Variants in PPP2R2C observed in about 807,000 individuals in gnomAD.
PPP2R2C encodes protein phosphatase 2, regulatory subunit B, gamma.
Under a neutral mutation model 45.3 loss-of-function variants are expected in PPP2R2C, and 10 were observed. The observed-to-expected ratio is 0.22, with a 90% CI of 0.14 to 0.37. The LOEUF is 0.37. PPP2R2C is among the 10% of genes least tolerant of loss of function. PPP2R2C has a pLI of 1.00. For synonymous variants in PPP2R2C, 257 were observed against 245.4 expected (o/e 1.05, Z -0.44); for missense variants, 308 against 619.7 (o/e 0.50, Z 5.34).
intron 2 of PPP2R2C, among the ~76,000 whole-genome samples, chr4:6,506,109 A>G (rs949956969): frequency 6.6e-6 from 1 of 152,230 alleles, no homozygotes; most frequent in Non-Finnish European, 1.5e-5. Flanking sequence ...TCCTACTCAC[A>G]TGACCTTCTA....
rs1732265384 is a variant in PPP2R2C at position 6,329,820 on chromosome 4, T to C, written c.961-467A>G. Among the ~76,000 whole-genome samples the C allele has an allele frequency of 6.6e-6, 1 of 152,234 alleles. No individual in the cohort carries two copies. The highest frequency in any genetic ancestry group is 2.1e-4 in the South Asian group (1 of 4,834). On this transcript the variant is annotated intron_variant, in intron 7 of 8. Coordinates refer to ENST00000382599, the MANE Select transcript of PPP2R2C (RefSeq NM_020416.4). The surrounding 1 kb of genome is among the most constrained non-coding windows in gnomAD (Gnocchi z 5.8). ...CCACCTGGGGTCCAGATCCTGGCTC[T>C]GCCCTCCCAGCTGTGTGATCTTGGA...
chr4:6,336,373 C>G (rs1732848625), intron 6 of PPP2R2C, among the ~76,000 whole-genome samples: 1 of 152,076 alleles, frequency 6.6e-6, no homozygotes, highest in East Asian at 1.9e-4. Flanking sequence ...AGGCCGCTCG[C>G]AGAGGGAGCT....
At chr4:6,366,867 G>C (rs1714360908) in intron 5 of PPP2R2C, among the ~76,000 whole-genome samples, 2 of 152,172 alleles carry the variant, frequency 1.3e-5, no homozygotes, top group Admixed American at 6.5e-5. Flanking sequence ...AGGGGCTCAG[G>C]CTTCCTCCAG....
At chr4:6,540,580 G>T (rs935532528) in intron 1 of PPP2R2C, among the ~76,000 whole-genome samples, 2 of 152,202 alleles carry the variant, frequency 1.3e-5, no homozygotes, top group Non-Finnish European at 2.9e-5. Flanking sequence ...AATTCTCTTT[G>T]GTAGATGCCT....
intron 2 of PPP2R2C, among the ~76,000 whole-genome samples, chr4:6,481,166 T>C (rs1577214150): frequency 6.6e-6 from 1 of 152,266 alleles, no homozygotes; most frequent in Non-Finnish European, 1.5e-5. Context: ...ACAGAAGTCA[T>C]TCATTTTGAT....
chr4:6,527,005 GACGCCA>G lies in PPP2R2C; in HGVS notation c.49+8260_49+8265del, dbSNP rs550805748. On this transcript the variant is annotated intron_variant, in intron 2 of 9. Coordinates refer to the PPP2R2C transcript ENST00000506140. The stretch of plus-strand genomic sequence containing the variant: ...TACTCCAGGATCCCAAAGAGTGGGA[GACGCCA>G]ACCACGGCTTCAATGCGGAGGAGAA... 5.9e-5 allele frequency among the ~76,000 whole-genome samples: 9 copies of G among 152,310 alleles called. No individual in the cohort carries two copies. The East Asian group carries it at 1.5e-3, about 26-fold the overall frequency.
At chr4:6,402,204 G>A (rs1464379619) in intron 1 of PPP2R2C, among the ~76,000 whole-genome samples, 1 of 152,194 alleles carries the variant, frequency 6.6e-6, no homozygotes, top group East Asian at 1.9e-4. Flanking sequence ...CAGGGTCACA[G>A]AGCAGGTAAG....
intron 1 of PPP2R2C, among the ~76,000 whole-genome samples, chr4:6,390,535 A>G (rs1716541789): frequency 2.0e-5 from 3 of 152,162 alleles, no homozygotes; most frequent in Non-Finnish European, 4.4e-5. Flanking sequence ...TCCAGCAGGG[A>G]GCACGCCGGG....
At chr4:6,494,980 A>G (rs1045800316) in intron 2 of PPP2R2C, among the ~76,000 whole-genome samples, 7 of 152,216 alleles carry the variant, frequency 4.6e-5, no homozygotes, top group Admixed American at 3.3e-4. Flanking sequence ...TCCCTGTGAC[A>G]GGGGAAGCTG....
rs1328820674 is a variant in PPP2R2C at position 6,350,484 on chromosome 4, T to C, written c.626-2474A>G. 3.0e-6 allele frequency: 3 copies of C among 985,326 alleles called. No homozygotes were observed. In the African/African-American group the frequency reaches 5.2e-5, roughly 17 times the overall value. 61.0% of individuals were successfully genotyped at this position (985,326 alleles called of 1,614,324 possible). A position where few individuals can be genotyped will look rare whatever the true frequency, so the allele number is the denominator to read the frequency against. ...AGACACACAAAAGCCACAGGAGGCT[T>C]GGTGGCAACAGAAGCGCCCAGGAAC... On this transcript the variant is annotated intron_variant, in intron 5 of 8. Transcript: ENST00000382599.
chr4:6,376,352 C>T (rs935973482), intron 3 of PPP2R2C, among the ~76,000 whole-genome samples: 2 of 152,084 alleles, frequency 1.3e-5, no homozygotes, highest in African/African-American at 4.8e-5. Context: ...AGAGTGAAGC[C>T]AGGATTCAAA....
chr4:6,554,025 A>G lies in PPP2R2C; in HGVS notation c.-59+9535T>C, dbSNP rs554426271. On this transcript the variant is annotated intron_variant, in intron 1 of 9. Coordinates refer to the PPP2R2C transcript ENST00000506140. ...AAACACACCACGCCTAATGAACTAG[A>G]AGCAAAATTAGTTCAAGGGGTTATC... Among the ~76,000 whole-genome samples the G allele has an allele frequency of 2.0e-5, 3 of 152,258 alleles. No homozygotes were observed. In the East Asian group the frequency reaches 5.8e-4, roughly 29 times the overall value.
intron 1 of PPP2R2C, among the ~76,000 whole-genome samples, chr4:6,537,969 C>G (rs754871213): frequency 2.2e-4 from 34 of 152,014 alleles, no homozygotes; most frequent in Admixed American, 1.0e-3. Flanking sequence ...TAGGGGTTAC[C>G]AGGGCTGGGG....
chr4:6,524,650 TGTG>T (rs1449162241), intron 2 of PPP2R2C, among the ~76,000 whole-genome samples: 8 of 152,214 alleles, frequency 5.3e-5, no homozygotes, highest in Admixed American at 3.3e-4. Context: ...GCTCAGCTGC[TGTG>T]GTTGGGCCGA....
chr4:6,376,962 A>C (rs1715358190), intron 3 of PPP2R2C, among the ~76,000 whole-genome samples: 1 of 152,140 alleles, frequency 6.6e-6, no homozygotes, highest in African/African-American at 2.4e-5. Flanking sequence ...GTGCCCAGAG[A>C]GGGGGTGAAC....
At chr4:6,541,670 A>G (rs1173950323) in intron 1 of PPP2R2C, among the ~76,000 whole-genome samples, 1 of 152,104 alleles carries the variant, frequency 6.6e-6, no homozygotes, top group Admixed American at 6.5e-5. Context: ...CTCAGCCTCC[A>G]GAGTAGCTGG....
At chr4:6,505,160 T>G (rs1197093660) in intron 2 of PPP2R2C, among the ~76,000 whole-genome samples, 2 of 137,526 alleles carry the variant, frequency 1.5e-5, no homozygotes, top group East Asian at 5.9e-4. Flanking sequence ...TTAAAGTGCT[T>G]GGAAAAAAAA....
At chr4:6,511,002 A>AAC (rs1723427006) in intron 2 of PPP2R2C, among the ~76,000 whole-genome samples, 1 of 148,382 alleles carries the variant, frequency 6.7e-6, no homozygotes, top group African/African-American at 2.5e-5. Context: ...AACAAACAAA[A>AAC]AAAAAAACAG....
At chr4:6,557,899 G>A (rs1308076300) in intron 1 of PPP2R2C, among the ~76,000 whole-genome samples, 1 of 152,070 alleles carries the variant, frequency 6.6e-6, no homozygotes, top group Non-Finnish European at 1.5e-5. Flanking sequence ...CATCCCACAG[G>A]CCCTGGTTCT....
Sources: gnomAD v4.1 joint callset for allele counts (sites outside exome capture counted in the v4.1 genomes callset) on GRCh38, gnomAD v4.1.1 for gene constraint, Gnocchi (gnomAD v3.1) non-coding constraint, MANE v1.5 for transcripts, NCBI Gene and HGNC (gene_info 2026-07-23, HGNC 2026-07-21) for gene names.